The following SPTAN1 variants were observed in gnomAD, a reference collection of about 807,000 sequenced individuals.
SPTAN1 encodes spectrin alpha, non-erythrocytic 1, also known as spectrin alpha chain, non-erythrocytic 1.
In SPTAN1, 61 loss-of-function variants were observed where a neutral mutation model predicts 331.3. The ratio of observed to expected loss-of-function variants is 0.18; its 90% confidence interval spans 0.15 to 0.23. The LOEUF (loss-of-function observed/expected upper bound fraction) is 0.23. Ranked by LOEUF, SPTAN1 falls within the 10% of genes least tolerant of loss-of-function variation. The pLI is 1.00. For missense variants in SPTAN1, 2,043 were observed against 3,147.9 expected (o/e 0.65, Z 8.40); for synonymous variants, 1,153 against 1,173.9 (o/e 0.98, Z 0.36).
intron 29 of SPTAN1, among the ~76,000 whole-genome samples, chr9:128,604,671 C>T (rs770681890): frequency 2.6e-5 from 4 of 152,178 alleles, no homozygotes; most frequent in Non-Finnish European, 4.4e-5. Flanking sequence ...GTGGCTCATG[C>T]CTGTAATCCC....
intron 3 of SPTAN1, among the ~76,000 whole-genome samples, chr9:128,569,380 C>T (rs1850396037): frequency 6.6e-6 from 1 of 152,006 alleles, no homozygotes; most frequent in Non-Finnish European, 1.5e-5. Context: ...ATGTGTGGCA[C>T]CTATTGGTCA....
chr9:128,580,954 G>A lies in SPTAN1; in HGVS notation c.1356G>A (p.Leu452=), dbSNP rs1315046299. ...TCCTTTCCGAGGAGAGAGCGGCGCT[G>A]CTGGAGCTGTGGGAGCTGCGCAGGC... ...LTVLSEERAA[L]LELWELRRQQ... The change falls in exon 11 of 57, where the codon CTG becomes CTA. Residue 452 remains leucine, a synonymous_variant. Coordinates refer to ENST00000372739, the MANE Select transcript of SPTAN1 (RefSeq NM_001130438.3). 2 of 1,613,670 alleles carry A rather than the reference G, an allele frequency of 1.2e-6. No homozygotes were observed. The highest frequency in any genetic ancestry group is 4.5e-5 in the East Asian group (2 of 44,884).
intron 45 of SPTAN1, among the ~76,000 whole-genome samples, chr9:128,623,497 C>T (rs550440285): frequency 6.6e-6 from 1 of 152,012 alleles, no homozygotes; most frequent in Non-Finnish European, 1.5e-5. Flanking sequence ...GCTGTGTTGC[C>T]CAGGCTGGGG....
chr9:128,608,049 GGT>G lies in SPTAN1; in HGVS notation c.4344+8_4344+9del. 6.2e-7 allele frequency: 1 copy of G among 1,614,156 alleles called. No individual in the cohort carries two copies. The highest frequency in any genetic ancestry group is 8.5e-7 in the Non-Finnish European group (1 of 1,180,030). On this transcript the variant is annotated splice_donor_variant, in intron 33 of 56. Transcript: ENST00000372739. LOFTEE classifies it high-confidence loss of function. ...TGCTGGATCAGTGCCTTGAACTGCA[GGT>G]GTGTGTGCTCCTGGTTTCTGACCAA...
intron 51 of SPTAN1, 83 bp from the exon 52 acceptor site, chr9:128,630,238 T>C: frequency 6.8e-7 from 1 of 1,479,146 alleles, no homozygotes; most frequent in Admixed American, 1.7e-5. Context: ...TTGCCAGGCA[T>C]TGCTCTCTCT....
At chr9:128,608,491 G>A (rs764791404) in intron 34 of SPTAN1, among the ~76,000 whole-genome samples, 221 of 152,306 alleles carry the variant, frequency 1.5e-3, no homozygotes, top group Middle Eastern at 3.4e-3. Context: ...CAAAGGGATG[G>A]AAAACAAATG....
intron 1 of SPTAN1, among the ~76,000 whole-genome samples, chr9:128,561,236 G>A (rs1702673570): frequency 1.3e-5 from 2 of 151,784 alleles, no homozygotes; most frequent in South Asian, 4.2e-4. Context: ...AGCTGGGCGT[G>A]GTGGTTTGTG....
chr9:128,582,871 C>T (rs750784854), intron 14 of SPTAN1, 22 bp downstream of exon 14: 11 of 1,610,992 alleles, frequency 6.8e-6, no homozygotes, highest in Non-Finnish European at 9.3e-6. Context: ...TTAGTGTTGC[C>T]ATGTAGCACT....
At chr9:128,599,426 T>C (rs7868835) in intron 26 of SPTAN1, 169,754 of 174,260 alleles carry the variant, frequency 0.97, 82,863 homozygotes, top group East Asian at 1. Flanking sequence ...TGAGCCACCA[T>C]GCCCAGCCCA....
At chr9:128,600,974 C>CTTTTTTGTTTTTTTTT (rs1855054853) in intron 27 of SPTAN1, among the ~76,000 whole-genome samples, 1 of 40,850 alleles carries the variant, frequency 2.4e-5, no homozygotes, top group African/African-American at 8.8e-5. Context: ...GGGAGAAAGT[C>CTTTTTTGTTTTTTTTT]TTTTTTTTTT....
Position 128,608,205 on chromosome 9 carries a change from G to A in SPTAN1, c.4420G>A (p.Gly1474Arg). The A allele has an allele frequency of 2.5e-6, 4 of 1,614,158 alleles. No homozygotes were observed. Among genetic ancestry groups the A allele is most frequent in the South Asian group, 1.1e-5 (1 of 91,080 alleles). The change falls in exon 34 of 57, where the codon GGA becomes AGA. Residue 1474 changes from glycine to arginine, a missense_variant. Physicochemically the swap from Gly to Arg is moderately radical, Grantham distance 125. Around this residue, in one of 12 missense-constraint regions of SPTAN1, gnomAD observed 179 missense variants for 215.7 expected, o/e 0.83. Coordinates refer to ENST00000372739, the MANE Select transcript of SPTAN1 (RefSeq NM_001130438.3). ...REAFLNTEDK[G>R]DSLDSVEALI... ...GGCCTTCTTGAATACCGAAGACAAA[G>A]GAGACTCACTGGACAGCGTAGAGGC...
At chr9:128,575,492 G>A in intron 5 of SPTAN1, 147 bp downstream of exon 5, 5 of 878,428 alleles carry the variant, frequency 5.7e-6, no homozygotes, top group South Asian at 2.9e-5. Context: ...TAGATGTGAG[G>A]CACAATACTG....
chr9:128,594,163 G>A lies in SPTAN1; in HGVS notation c.3216-12G>A. On this transcript the variant is annotated splice_polypyrimidine_tract_variant and intron_variant, in intron 23 of 56. Coordinates refer to ENST00000372739, the MANE Select transcript of SPTAN1 (RefSeq NM_001130438.3). ...TCCTTGTCCCTCTTGTCACCCTCTT[G>A]AATTCCATCAGATATCATTCTCTGC... 6.2e-7 allele frequency: 1 copy of A among 1,614,046 alleles called. No homozygotes were observed. Among genetic ancestry groups the A allele is most frequent in the South Asian group, 1.1e-5 (1 of 91,082 alleles).
In SPTAN1 at chr9:128,582,711, T is replaced by A. The variant is rs1406334272; in HGVS notation, c.1668T>A (p.Asn556Lys). The A allele has an allele frequency of 2.5e-6, 4 of 1,613,768 alleles. No homozygotes were observed. The highest frequency in any genetic ancestry group is 3.4e-6 in the Non-Finnish European group (4 of 1,180,028). ...TRRDALLSRR[N>K]ALHERAMRRR... ...TCTTTCAGCTGTTGAGCCGCCGCAA[T>A]GCCCTTCACGAGAGAGCCATGCGTC... The change falls in exon 14 of 57, where the codon AAT becomes AAA. Residue 556 changes from asparagine to lysine, a missense_variant. By Grantham distance (94) the Asn-to-Lys change is moderately conservative. This residue lies in a region of SPTAN1 where 1,038 missense variants were observed against 1,531.5 expected (regional missense o/e 0.68). Coordinates refer to ENST00000372739, the MANE Select transcript of SPTAN1 (RefSeq NM_001130438.3).
chr9:128,576,849 C>G lies in SPTAN1; in HGVS notation c.678C>G (p.Ile226Met). Residue 226 changes from isoleucine (I) to methionine (M), a missense_variant, in exon 6 of 57, where the codon ATC becomes ATG. By Grantham distance (10) the Ile-to-Met change is conservative. Coordinates refer to ENST00000372739, the MANE Select transcript of SPTAN1 (RefSeq NM_001130438.3). The part of the protein sequence containing the change: ...IQEQHPEEEL[I>M]KTKQDEVNAA... Reference sequence around the variant, plus strand: ...AGCAGCACCCTGAGGAGGAACTGATCAAGACTAAGCAGGATGAAGTCAATG... The same window carrying G: ...AGCAGCACCCTGAGGAGGAACTGATGAAGACTAAGCAGGATGAAGTCAATG... 6.2e-7 allele frequency: 1 copy of G among 1,613,926 alleles called. No homozygotes were observed. The highest frequency in any genetic ancestry group is 8.5e-7 in the Non-Finnish European group (1 of 1,180,026).
At chr9:128,555,974 C>T (rs1246310862) in intron 1 of SPTAN1, among the ~76,000 whole-genome samples, 2 of 152,046 alleles carry the variant, frequency 1.3e-5, no homozygotes, top group African/African-American at 4.8e-5. Context: ...GTAATCCCAG[C>T]GCTTTGGGAG....
chr9:128,633,021 G>T (rs1373963645), intron 56 of SPTAN1, 66 bp downstream of exon 56: 1 of 1,603,306 alleles, frequency 6.2e-7, no homozygotes, highest in African/African-American at 1.3e-5. Context: ...TTGTGGCAGA[G>T]CTGAGTCTGG....
Position 128,568,897 on chromosome 9 carries a change from G to A in SPTAN1, c.363G>A (p.Arg121=), listed in dbSNP as rs1312160720. Residue 121 remains arginine (R), a splice_region_variant and synonymous_variant, in exon 3 of 57, where the codon CGG becomes CGA. Transcript: ENST00000372739. ...SEGHFASETI[R]TRLMELHRQW... is the part of the protein sequence containing the mutation. ...GGCATTTTGCATCTGAAACCATACGGGTGAGTATGAGTAGCTCGTGGAGTG... is the reference window on the plus strand; with the variant it reads ...GGCATTTTGCATCTGAAACCATACGAGTGAGTATGAGTAGCTCGTGGAGTG... The A allele has an allele frequency of 6.2e-7, 1 of 1,614,022 alleles. No individual in the cohort carries two copies. Among genetic ancestry groups the A allele is most frequent in the Admixed American group, 1.7e-5 (1 of 60,014 alleles).
At chr9:128,578,679 G>A (rs4837283) in intron 9 of SPTAN1, among the ~76,000 whole-genome samples, 147,327 of 152,028 alleles carry the variant, frequency 0.97, 71,536 homozygotes, top group Non-Finnish European at 1. Flanking sequence ...AAATGCAACA[G>A]TTAGCTGGTC....
Sources: gnomAD v4.1 joint callset for allele counts (sites outside exome capture counted in the v4.1 genomes callset) on GRCh38, gnomAD v4.1.1 for gene constraint, gnomAD v4.1.1 regional missense constraint, MANE v1.5 for transcripts, NCBI Gene and HGNC (gene_info 2026-07-23, HGNC 2026-07-21) for gene names.